LRMDA: variants seen among roughly 807,000 people sequenced by gnomAD.
LRMDA encodes leucine-rich melanocyte differentiation-associated protein.
LRMDA carries 18 observed loss-of-function variants against 29.8 expected under a neutral mutation model. The observed-to-expected ratio is 0.60, with a 90% CI of 0.42 to 0.90. The LOEUF is 0.90. Ranked by LOEUF, LRMDA falls within the 40% of genes least tolerant of loss-of-function variation. LRMDA has a pLI of 0.00. For missense variants in LRMDA, 273 were observed against 273.9 expected, an observed-to-expected ratio of 1.00 and a Z score of 0.02; for synonymous variants, 125 against 109.4, an observed-to-expected ratio of 1.14 and a Z score of -0.89.
chr10:75,432,403 G>C (rs760460325), intron 1 of LRMDA, among the ~76,000 whole-genome samples: 15 of 152,250 alleles, frequency 9.9e-5, no homozygotes, highest in African/African-American at 3.1e-4. Context: ...CAACACGCCA[G>C]TTTCAATCCT....
At chr10:75,988,743 C>G (rs1367709923) in intron 2 of LRMDA, among the ~76,000 whole-genome samples, 1 of 152,146 alleles carries the variant, frequency 6.6e-6, no homozygotes, top group Non-Finnish European at 1.5e-5. Flanking sequence ...GCTCCCAAGG[C>G]CCAGGAGACC....
At chr10:75,818,548 C>T (rs879691052) in intron 2 of LRMDA, among the ~76,000 whole-genome samples, 3 of 152,188 alleles carry the variant, frequency 2.0e-5, no homozygotes, top group Admixed American at 6.5e-5. Context: ...TTTTGAAAAA[C>T]GTTTTAGCCC....
intron 2 of LRMDA, among the ~76,000 whole-genome samples, chr10:75,860,322 T>G (rs1021699387): frequency 1.4e-5 from 2 of 144,490 alleles, no homozygotes; most frequent in African/African-American, 5.1e-5. Flanking sequence ...TTTTTTTTTT[T>G]TTTTTTTTTT....
At chr10:75,700,805 T>A (rs1008317542) in intron 2 of LRMDA, among the ~76,000 whole-genome samples, 4 of 151,900 alleles carry the variant, frequency 2.6e-5, no homozygotes, top group Non-Finnish European at 5.9e-5. Context: ...GGATGGATAA[T>A]GAAAAAAACA....
At chr10:75,824,074 C>G (rs1401782351) in intron 2 of LRMDA, among the ~76,000 whole-genome samples, 1 of 152,012 alleles carries the variant, frequency 6.6e-6, no homozygotes, top group Non-Finnish European at 1.5e-5. Flanking sequence ...ACTAAAAAAC[C>G]CAGATTTCAC....
chr10:76,513,740 C>G (rs1447370060), intron 6 of LRMDA, among the ~76,000 whole-genome samples: 1 of 152,170 alleles, frequency 6.6e-6, no homozygotes, highest in African/African-American at 2.4e-5. Context: ...TCATAAAGGT[C>G]TGTGCTTTGG....
intron 2 of LRMDA, among the ~76,000 whole-genome samples, chr10:75,973,123 A>G (rs1847008755): frequency 6.6e-6 from 1 of 151,874 alleles, no homozygotes; most frequent in Non-Finnish European, 1.5e-5. Context: ...CAAGTGTTTC[A>G]CATCCACTCT....
intron 6 of LRMDA, among the ~76,000 whole-genome samples, chr10:76,536,147 C>T (rs752793282): frequency 1.2e-4 from 19 of 152,132 alleles, no homozygotes; most frequent in Non-Finnish European, 2.2e-4. Flanking sequence ...CTCAATACTT[C>T]GGCATGGGTC....
chr10:76,212,269 A>ACACACACACACACAT (rs533888320), intron 5 of LRMDA, among the ~76,000 whole-genome samples: 180 of 135,356 alleles, frequency 1.3e-3, no homozygotes, highest in Admixed American at 1.7e-3. Flanking sequence ...ACACACACAT[A>ACACACACACACACAT]AAAAAAAAAA....
intron 2 of LRMDA, among the ~76,000 whole-genome samples, chr10:75,806,713 C>G (rs1843859282): frequency 6.6e-6 from 1 of 150,584 alleles, no homozygotes; most frequent in African/African-American, 2.5e-5. Context: ...TGCAGGCTAC[C>G]TCAATCACCT....
intron 6 of LRMDA, among the ~76,000 whole-genome samples, chr10:76,397,918 T>C (rs911900026): frequency 6.6e-6 from 1 of 152,196 alleles, no homozygotes; most frequent in African/African-American, 2.4e-5. Context: ...CCAAAAAATA[T>C]ATTGCCACTC....
chr10:75,673,411 C>T (rs966432660), intron 2 of LRMDA, among the ~76,000 whole-genome samples: 5 of 152,144 alleles, frequency 3.3e-5, no homozygotes, highest in African/African-American at 7.2e-5. Flanking sequence ...AAACCAGATA[C>T]ATAATATTTG....
chr10:75,441,894 A>C (rs186440074), intron 2 of LRMDA, among the ~76,000 whole-genome samples: 64 of 152,286 alleles, frequency 4.2e-4, no homozygotes, highest in African/African-American at 1.4e-3. Flanking sequence ...TTTAGGGCAA[A>C]GTTTACTTTT....
intron 6 of LRMDA, among the ~76,000 whole-genome samples, chr10:76,500,612 G>A (rs1271129027): frequency 1.3e-5 from 1 of 75,062 alleles, no homozygotes; most frequent in East Asian, 2.5e-4. Flanking sequence ...GTGAAAGCCT[G>A]TTTCACCACA....
rs1233946889 is a variant in LRMDA at position 76,081,093 on chromosome 10, C to T, written c.516+22310C>T. On this transcript the variant is annotated intron_variant, in intron 5 of 6. Transcript: ENST00000611255. ...AATATCTGGAATGGCCCTGGTGACA[C>T]CTTTATGTTTCCCAGTGCATTCAGC... 3.3e-5 allele frequency among the ~76,000 whole-genome samples: 5 copies of T among 152,274 alleles called. No homozygotes were observed. In the East Asian group the frequency reaches 7.7e-4, roughly 24 times the overall value.
chr10:75,522,112 C>T (rs1168615719), intron 2 of LRMDA, among the ~76,000 whole-genome samples: 2 of 152,210 alleles, frequency 1.3e-5, no homozygotes, highest in Non-Finnish European at 2.9e-5. Flanking sequence ...AATCCGTGTA[C>T]AGCACCCCTC....
chr10:76,108,626 G>A (rs1849525909), intron 5 of LRMDA, among the ~76,000 whole-genome samples: 1 of 152,088 alleles, frequency 6.6e-6, no homozygotes, highest in Non-Finnish European at 1.5e-5. Context: ...CTATTTTTCT[G>A]TGTTTTCTGT....
At chr10:75,606,868 C>T (rs1302049040) in intron 2 of LRMDA, among the ~76,000 whole-genome samples, 1 of 152,164 alleles carries the variant, frequency 6.6e-6, no homozygotes, top group Non-Finnish European at 1.5e-5. Context: ...TATTAGCAAC[C>T]TCTGGCCATC....
chr10:75,475,506 C>A (rs528407245), intron 2 of LRMDA, among the ~76,000 whole-genome samples: 1 of 152,198 alleles, frequency 6.6e-6, no homozygotes, highest in Non-Finnish European at 1.5e-5. Context: ...CTGAGTCCTG[C>A]TCATTAGTCA....
Sources: gnomAD v4.1 joint callset for allele counts (sites outside exome capture counted in the v4.1 genomes callset) on GRCh38, gnomAD v4.1.1 for gene constraint, MANE v1.5 for transcripts, NCBI Gene and HGNC (gene_info 2026-07-23, HGNC 2026-07-21) for gene names.